The following HPSE2 variants were observed in gnomAD, a reference collection of about 807,000 sequenced individuals.
HPSE2 encodes the protein inactive heparanase-2.
A neutral mutation model predicts 60.5 loss-of-function variants in HPSE2; 38 were observed. That is an observed-to-expected ratio of 0.63 (90% CI 0.48 to 0.82). The LOEUF (loss-of-function observed/expected upper bound fraction) is 0.82. Among genes scored for constraint, HPSE2 ranks in the 40% least tolerant of loss-of-function variants. The pLI, the probability that HPSE2 is intolerant of heterozygous loss-of-function variation, is 0.00. For missense variants in HPSE2, 713 were observed against 740.4 expected (o/e 0.96, Z 0.43); for synonymous variants, 295 against 293.2 (o/e 1.01, Z -0.06).
intron 3 of HPSE2, among the ~76,000 whole-genome samples, chr10:98,827,592 T>C (rs190101782): frequency 3.2e-4 from 48 of 152,346 alleles, no homozygotes; most frequent in Admixed American, 1.0e-3. Flanking sequence ...GAAAGATGTT[T>C]AGAGAAGGAC....
intron 7 of HPSE2, among the ~76,000 whole-genome samples, chr10:98,641,571 A>G (rs1399197166): frequency 6.6e-6 from 1 of 151,988 alleles, no homozygotes; most frequent in Non-Finnish European, 1.5e-5. Context: ...TGGGCAACAA[A>G]GCAAGCCTCC....
At chr10:99,048,182 T>C (rs1008641157) in intron 3 of HPSE2, 3 of 675,542 alleles carry the variant, frequency 4.4e-6, no homozygotes, top group Non-Finnish European at 5.3e-6. Context: ...TCTCGGTAAA[T>C]ATGGCATCAT....
intron 3 of HPSE2, among the ~76,000 whole-genome samples, chr10:98,800,488 C>T (rs1950880881): frequency 6.9e-6 from 1 of 145,820 alleles, no homozygotes; most frequent in South Asian, 2.1e-4. Flanking sequence ...TATATTTATA[C>T]AATATATAAA....
intron 3 of HPSE2, among the ~76,000 whole-genome samples, chr10:98,851,196 T>C (rs1253170548): frequency 3.9e-5 from 6 of 152,164 alleles, no homozygotes; most frequent in East Asian, 1.9e-4. Flanking sequence ...CTGGACCTTA[T>C]AGAATATTTG....
chr10:99,153,416 G>A (rs1231178124), intron 2 of HPSE2, among the ~76,000 whole-genome samples: 1 of 152,236 alleles, frequency 6.6e-6, no homozygotes, highest in Non-Finnish European at 1.5e-5. Flanking sequence ...AGAACGGGCA[G>A]ACTGCCTCCT....
intron 3 of HPSE2, among the ~76,000 whole-genome samples, chr10:98,766,828 G>A (rs141998243): frequency 0.012 from 1,808 of 152,182 alleles, 25 homozygotes; most frequent in African/African-American, 0.041. Flanking sequence ...AGGAGACTGA[G>A]ATGGGAGGAT....
chr10:98,543,447 CATA>C (rs1943546689), intron 9 of HPSE2, among the ~76,000 whole-genome samples: 1 of 151,872 alleles, frequency 6.6e-6, no homozygotes, highest in African/African-American at 2.4e-5. Context: ...CAGCTAACAT[CATA>C]ATGACAGGAT....
At chr10:99,153,768 C>G (rs998535445) in intron 2 of HPSE2, among the ~76,000 whole-genome samples, 1 of 152,196 alleles carries the variant, frequency 6.6e-6, no homozygotes, top group Non-Finnish European at 1.5e-5. Flanking sequence ...CTTTGACGAG[C>G]TGAGAGAAGA....
At chr10:98,668,516 G>C (rs1024283987) in intron 6 of HPSE2, among the ~76,000 whole-genome samples, 2 of 151,976 alleles carry the variant, frequency 1.3e-5, no homozygotes, top group Non-Finnish European at 2.9e-5. Context: ...TCACTAAAAG[G>C]CTACAGTAAC....
intron 3 of HPSE2, among the ~76,000 whole-genome samples, chr10:98,803,703 C>A (rs1486955014): frequency 6.6e-6 from 1 of 150,858 alleles, no homozygotes; most frequent in Non-Finnish European, 1.5e-5. Flanking sequence ...GTACCAGTAG[C>A]ATGCTGTTTT....
chr10:98,687,402 A>G (rs1947945039), intron 6 of HPSE2, among the ~76,000 whole-genome samples: 1 of 152,086 alleles, frequency 6.6e-6, no homozygotes, highest in African/African-American at 2.4e-5. Flanking sequence ...CCTCCTCTCT[A>G]TTAAAACTCC....
chr10:98,859,623 C>T (rs1952405714), intron 3 of HPSE2, among the ~76,000 whole-genome samples: 2 of 152,112 alleles, frequency 1.3e-5, no homozygotes, highest in South Asian at 4.1e-4. Context: ...AGGACTTAGA[C>T]CAACCCTCTT....
At chr10:98,656,908 C>A (rs1356666659) in intron 6 of HPSE2, among the ~76,000 whole-genome samples, 2 of 151,926 alleles carry the variant, frequency 1.3e-5, no homozygotes, top group Admixed American at 1.3e-4. Flanking sequence ...ATTATAGGCA[C>A]CCGCCACCAC....
intron 3 of HPSE2, among the ~76,000 whole-genome samples, chr10:98,888,255 T>C (rs1465673994): frequency 1.3e-5 from 2 of 151,946 alleles, no homozygotes; most frequent in Non-Finnish European, 2.9e-5. Context: ...ATAGTTTCCA[T>C]AGAAATCTGA....
chr10:98,578,349 A>G (rs1159862399), intron 9 of HPSE2, among the ~76,000 whole-genome samples: 1 of 151,710 alleles, frequency 6.6e-6, no homozygotes, highest in Non-Finnish European at 1.5e-5. Flanking sequence ...TGAGGTGCAC[A>G]GCGACACTTT....
At chr10:98,522,300 T>A (rs1390294040) in intron 9 of HPSE2, among the ~76,000 whole-genome samples, 1 of 151,012 alleles carries the variant, frequency 6.6e-6, no homozygotes, top group Non-Finnish European at 1.5e-5. Context: ...AAAGAAAGAA[T>A]CAGGCTGTGG....
intron 9 of HPSE2, among the ~76,000 whole-genome samples, chr10:98,603,719 T>C (rs536802547): frequency 2.0e-5 from 3 of 152,186 alleles, no homozygotes; most frequent in East Asian, 1.9e-4. Flanking sequence ...TGAGCCACCG[T>C]GCCTGGCCTC....
Position 98,754,585 on chromosome 10 carries a change from A to T in HPSE2, c.611-10529T>A, listed in dbSNP as rs180770784. Among the ~76,000 whole-genome samples, 240 of 151,756 alleles carry T rather than the reference A, an allele frequency of 1.6e-3. 1 individual carries two copies. The highest frequency in any genetic ancestry group is 3.1e-3 in the Non-Finnish European group (208 of 67,924). ...AGATTCTCCAAGGTTGATGTGAAAAAAAATATTAAAAGCAGCTAGAGAGAA... is the reference window on the plus strand; with the variant it reads ...AGATTCTCCAAGGTTGATGTGAAAATAAATATTAAAAGCAGCTAGAGAGAA... On this transcript the variant is annotated intron_variant, in intron 3 of 11. Transcript: ENST00000370552.
At chr10:98,609,326 A>G (rs528305924) in intron 9 of HPSE2, among the ~76,000 whole-genome samples, 13 of 152,270 alleles carry the variant, frequency 8.5e-5, no homozygotes, top group Non-Finnish European at 1.6e-4. Flanking sequence ...TATCTAGCAC[A>G]TAGCATGAAT....
Sources: allele counts gnomAD v4.1 joint callset (sites outside exome capture counted in the v4.1 genomes callset), GRCh38; gene constraint gnomAD v4.1.1; transcripts MANE v1.5; gene names NCBI Gene and HGNC (gene_info 2026-07-23, HGNC 2026-07-21).